Variants in BCAS1 observed in about 807,000 individuals in gnomAD.
The protein encoded by BCAS1 is breast carcinoma-amplified sequence 1.
Under a neutral mutation model 65.4 loss-of-function variants are expected in BCAS1, and 46 were observed. That is an observed-to-expected ratio of 0.70 (90% CI 0.55 to 0.90). BCAS1 has a LOEUF of 0.90. Among genes scored for constraint, BCAS1 ranks in the 40% least tolerant of loss-of-function variants. The pLI is 0.00. For missense variants in BCAS1, 793 were observed against 771.2 expected, an observed-to-expected ratio of 1.03 and a Z score of -0.33; for synonymous variants, 298 against 293.5, an observed-to-expected ratio of 1.02 and a Z score of -0.16.
intron 1 of BCAS1, among the ~76,000 whole-genome samples, chr20:54,064,878 A>G (rs2092417084): frequency 6.7e-6 from 1 of 148,834 alleles, no homozygotes; most frequent in African/African-American, 2.5e-5. Context: ...GGTCCTCCCA[A>G]CAACTCTCTG....
At chr20:54,069,744 C>T (rs1291493675) in intron 1 of BCAS1, among the ~76,000 whole-genome samples, 1 of 152,208 alleles carries the variant, frequency 6.6e-6, no homozygotes, top group Non-Finnish European at 1.5e-5. Flanking sequence ...GATGAGGAAA[C>T]TGAGGCCCAG....
chr20:53,960,736 CCTT>C (rs1001785712), intron 10 of BCAS1, among the ~76,000 whole-genome samples: 2 of 152,082 alleles, frequency 1.3e-5, no homozygotes, highest in Non-Finnish European at 2.9e-5. Flanking sequence ...TCACTTCCCT[CCTT>C]TTCTTCTACC....
intron 4 of BCAS1, among the ~76,000 whole-genome samples, chr20:54,022,105 A>T (rs1458891635): frequency 6.6e-6 from 1 of 152,174 alleles, no homozygotes; most frequent in Non-Finnish European, 1.5e-5. Flanking sequence ...TGTTAAAACC[A>T]CAAGGGACTA....
intron 8 of BCAS1, among the ~76,000 whole-genome samples, chr20:53,977,994 T>G (rs1397135786): frequency 6.6e-6 from 1 of 151,430 alleles, no homozygotes; most frequent in Non-Finnish European, 1.5e-5. Context: ...ACCCACTAAC[T>G]CGTCATCTAG....
At chr20:54,046,118 T>C (rs2092099295) in intron 3 of BCAS1, among the ~76,000 whole-genome samples, 1 of 152,184 alleles carries the variant, frequency 6.6e-6, no homozygotes, top group South Asian at 2.1e-4. Context: ...CATGTAAAAA[T>C]AAAATACAAA....
intron 10 of BCAS1, 133 bp from the exon 11 acceptor site, chr20:53,957,630 G>A: frequency 1.3e-6 from 1 of 755,952 alleles, no homozygotes; most frequent in Non-Finnish European, 2.3e-6. Context: ...AGGCCAACTG[G>A]AAACATGTTA....
rs190900464 is a variant in BCAS1 at position 54,030,864 on chromosome 20, C to G, written c.143-1892G>C. ...CCTTTTTTTCTGTGATTCAGGAATT[C>G]ATAATGATAGAAAATATTATACTAA... On this transcript the variant is annotated intron_variant, in intron 3 of 12. Coordinates refer to ENST00000688948, the MANE Select transcript of BCAS1 (RefSeq NM_001366298.2). 2.0e-5 allele frequency among the ~76,000 whole-genome samples: 3 copies of G among 151,048 alleles called. No homozygotes were observed. The East Asian group carries it at 5.8e-4, about 29-fold the overall frequency.
At chr20:53,969,261 A>C (rs1028890817) in intron 9 of BCAS1, among the ~76,000 whole-genome samples, 1 of 151,980 alleles carries the variant, frequency 6.6e-6, no homozygotes, top group African/African-American at 2.4e-5. Flanking sequence ...AGCACCATGC[A>C]CTCAATTAAT....
intron 4 of BCAS1, among the ~76,000 whole-genome samples, chr20:54,021,578 C>T (rs1355053122): frequency 1.3e-5 from 2 of 151,452 alleles, no homozygotes; most frequent in African/African-American, 4.9e-5. Flanking sequence ...ATGTCCTTTG[C>T]AGGGATATGG....
At chr20:54,006,011 G>A (rs571141155) in intron 4 of BCAS1, among the ~76,000 whole-genome samples, 36 of 152,288 alleles carry the variant, frequency 2.4e-4, no homozygotes, top group African/African-American at 6.5e-4. Flanking sequence ...TAAGGAGTAG[G>A]TGCCATGGAA....
At chr20:53,980,177 G>A (rs181607266) in intron 8 of BCAS1, among the ~76,000 whole-genome samples, 91 of 152,230 alleles carry the variant, frequency 6.0e-4, no homozygotes, top group Non-Finnish European at 1.5e-4. Context: ...CCATTGTGCC[G>A]TTATTTTGAG....
chr20:54,048,717 T>C (rs1348075015), intron 3 of BCAS1, among the ~76,000 whole-genome samples: 2 of 152,240 alleles, frequency 1.3e-5, no homozygotes, highest in African/African-American at 2.4e-5. Context: ...AAAAGTGCTA[T>C]TTACTTATCC....
At chr20:53,998,433 C>T (rs1189709509) in intron 4 of BCAS1, among the ~76,000 whole-genome samples, 2 of 152,066 alleles carry the variant, frequency 1.3e-5, no homozygotes. Context: ...ACAATCATGG[C>T]GGAAGGAGAA....
intron 10 of BCAS1, among the ~76,000 whole-genome samples, chr20:53,957,882 T>TG (rs1012263282): frequency 2.8e-5 from 4 of 142,508 alleles, no homozygotes; most frequent in Non-Finnish European, 6.2e-5. Context: ...GGTGTTTTAT[T>TG]GTTTTTTTTT....
intron 9 of BCAS1, among the ~76,000 whole-genome samples, chr20:53,974,090 A>G (rs1248295693): frequency 6.6e-6 from 1 of 152,094 alleles, no homozygotes; most frequent in Non-Finnish European, 1.5e-5. Context: ...CTCTGTGTCT[A>G]GCAAAAGGAT....
intron 8 of BCAS1, among the ~76,000 whole-genome samples, chr20:53,983,873 A>G (rs1600779907): frequency 6.6e-6 from 1 of 151,958 alleles, no homozygotes; most frequent in Non-Finnish European, 1.5e-5. Flanking sequence ...GGCTCTCTGT[A>G]CCTAGCTCTG....
intron 3 of BCAS1, among the ~76,000 whole-genome samples, chr20:54,049,595 A>G (rs1466389776): frequency 1.3e-5 from 2 of 150,458 alleles, no homozygotes; most frequent in Admixed American, 6.6e-5. Context: ...TTAAATAGAG[A>G]TGGGGTCTCT....
At chr20:54,065,774 C>G (rs1181871900) in intron 1 of BCAS1, among the ~76,000 whole-genome samples, 1 of 152,204 alleles carries the variant, frequency 6.6e-6, no homozygotes, top group Non-Finnish European at 1.5e-5. Flanking sequence ...TGCATAAGCC[C>G]TGGCTCCGTG....
intron 3 of BCAS1, among the ~76,000 whole-genome samples, chr20:54,052,503 T>A (rs2092233647): frequency 6.6e-6 from 1 of 152,198 alleles, no homozygotes. Flanking sequence ...AAAATTCATA[T>A]GTTGAAACTT....
Sources: allele counts gnomAD v4.1 joint callset (sites outside exome capture counted in the v4.1 genomes callset), GRCh38; gene constraint gnomAD v4.1.1; transcripts MANE v1.5; gene names NCBI Gene and HGNC (gene_info 2026-07-23, HGNC 2026-07-21).